Variants in RARB observed in about 807,000 individuals in gnomAD.
RARB encodes the protein retinoic acid receptor beta.
A neutral mutation model predicts 51.9 loss-of-function variants in RARB; 17 were observed. The observed-to-expected ratio is 0.33, with a 90% CI of 0.22 to 0.49. RARB has a LOEUF of 0.49. Among genes scored for constraint, RARB ranks in the 20% least tolerant of loss-of-function variants. The pLI is 0.99. For missense variants in RARB, 369 were observed against 550.8 expected, an observed-to-expected ratio of 0.67 and a Z score of 3.30; for synonymous variants, 215 against 195.4, an observed-to-expected ratio of 1.10 and a Z score of -0.84.
At chr3:24,908,946 AT>A (rs1430972752) in intron 2 of RARB, among the ~76,000 whole-genome samples, 4 of 152,026 alleles carry the variant, frequency 2.6e-5, no homozygotes, top group East Asian at 1.9e-4. Context: ...ACGGAATCCT[AT>A]TTTTTCCATG....
intron 2 of RARB, among the ~76,000 whole-genome samples, chr3:25,482,437 C>A (rs1696266014): frequency 6.6e-6 from 1 of 150,982 alleles, no homozygotes. Context: ...GCATTTAGAA[C>A]CCAGTAGACC....
intron 4 of RARB, among the ~76,000 whole-genome samples, chr3:25,577,463 C>T (rs973773754): frequency 6.6e-6 from 1 of 152,198 alleles, no homozygotes; most frequent in Non-Finnish European, 1.5e-5. Context: ...GAAAGGACAT[C>T]AGTCTCCAGG....
chr3:25,121,836 G>T (rs1186394198), intron 3 of RARB, among the ~76,000 whole-genome samples: 1 of 152,122 alleles, frequency 6.6e-6, no homozygotes. Context: ...AACCTTGCAG[G>T]TATTTGAAGA....
intron 3 of RARB, among the ~76,000 whole-genome samples, chr3:25,071,940 A>G (rs1698774793): frequency 6.6e-6 from 1 of 152,148 alleles, no homozygotes; most frequent in African/African-American, 2.4e-5. Flanking sequence ...TGCTTTTGGG[A>G]CCTATTATTT....
chr3:25,501,155 T>G (rs776728783), intron 2 of RARB, 27 bp from the exon 3 acceptor site: 1 of 1,558,784 alleles, frequency 6.4e-7, no homozygotes, highest in Admixed American at 2.2e-5. Flanking sequence ...CTTTACTGAG[T>G]TTTTTCATCT....
chr3:25,356,879 GTA>G (rs1156789444), intron 5 of RARB, among the ~76,000 whole-genome samples: 3 of 152,132 alleles, frequency 2.0e-5, no homozygotes, highest in Admixed American at 2.0e-4. Context: ...ATTCCATGGT[GTA>G]TATGTGCCAC....
At chr3:25,467,408 C>T (rs1296333520) in intron 2 of RARB, among the ~76,000 whole-genome samples, 1 of 152,204 alleles carries the variant, frequency 6.6e-6, no homozygotes, top group Admixed American at 6.5e-5. Context: ...GCAGGATGAC[C>T]AGATCCTCTC....
chr3:25,330,126 C>A (rs1302644026), intron 5 of RARB, among the ~76,000 whole-genome samples: 1 of 152,108 alleles, frequency 6.6e-6, no homozygotes, highest in African/African-American at 2.4e-5. Context: ...CCCAAGCCAG[C>A]AAGACAGGCC....
At chr3:25,295,951 G>T (rs1703906068) in intron 5 of RARB, among the ~76,000 whole-genome samples, 1 of 152,198 alleles carries the variant, frequency 6.6e-6, no homozygotes, top group Admixed American at 6.5e-5. Flanking sequence ...TTAGAGAAAA[G>T]GGAGCTTTGC....
intron 5 of RARB, among the ~76,000 whole-genome samples, chr3:25,294,066 C>T (rs190696815): frequency 1.6e-4 from 24 of 152,196 alleles, no homozygotes; most frequent in Admixed American, 4.6e-4. Context: ...AAGGATTCAC[C>T]GAGGAAAATG....
intron 2 of RARB, among the ~76,000 whole-genome samples, chr3:24,868,707 G>A (rs1274732142): frequency 6.6e-6 from 1 of 152,100 alleles, no homozygotes; most frequent in East Asian, 1.9e-4. Flanking sequence ...GCTACCTGGC[G>A]ACTTCACTTG....
intron 7 of RARB, among the ~76,000 whole-genome samples, chr3:25,596,108 CCTCT>C (rs763177372): frequency 3.9e-5 from 6 of 152,218 alleles, no homozygotes; most frequent in Non-Finnish European, 7.4e-5. Flanking sequence ...ATAAAAAGAC[CCTCT>C]CTATCAACAT....
At chr3:25,305,547 T>A (rs1159858630) in intron 5 of RARB, among the ~76,000 whole-genome samples, 1 of 152,084 alleles carries the variant, frequency 6.6e-6, no homozygotes, top group Non-Finnish European at 1.5e-5. Flanking sequence ...GGTTGAAAAG[T>A]TGTCTTGAGA....
intron 5 of RARB, among the ~76,000 whole-genome samples, chr3:25,256,156 T>C (rs1702858711): frequency 6.6e-6 from 1 of 152,280 alleles, no homozygotes; most frequent in East Asian, 1.9e-4. Context: ...GCTGCTGTTG[T>C]TCAAAAATAT....
intron 5 of RARB, among the ~76,000 whole-genome samples, chr3:25,415,943 A>T (rs1195372993): frequency 6.6e-6 from 1 of 152,226 alleles, no homozygotes; most frequent in African/African-American, 2.4e-5. Flanking sequence ...AAGTAGATAC[A>T]TGCCAGGTAG....
At chr3:25,133,662 C>G (rs1028524117) in intron 4 of RARB, among the ~76,000 whole-genome samples, 1 of 151,872 alleles carries the variant, frequency 6.6e-6, no homozygotes, top group African/African-American at 2.4e-5. Flanking sequence ...TGTGACTACA[C>G]ATAATCCACT....
At chr3:25,005,548 G>A (rs1472631983) in intron 2 of RARB, among the ~76,000 whole-genome samples, 1 of 152,106 alleles carries the variant, frequency 6.6e-6, no homozygotes, top group Non-Finnish European at 1.5e-5. Context: ...TGTGGTAACT[G>A]GCTTCCCAAG....
At chr3:24,981,137 G>T (rs1299622533) in intron 2 of RARB, among the ~76,000 whole-genome samples, 1 of 152,310 alleles carries the variant, frequency 6.6e-6, no homozygotes, top group East Asian at 1.9e-4. Flanking sequence ...CCTTCTTATG[G>T]AAGCTTCGTC....
intron 3 of RARB, among the ~76,000 whole-genome samples, chr3:25,112,125 G>A (rs986871803): frequency 6.6e-6 from 1 of 152,192 alleles, no homozygotes; most frequent in African/African-American, 2.4e-5. Flanking sequence ...ACAGACTCTT[G>A]TAGAAGTTAA....
Sources: gnomAD v4.1 joint callset for allele counts (sites outside exome capture counted in the v4.1 genomes callset) on GRCh38, gnomAD v4.1.1 for gene constraint, MANE v1.5 for transcripts, NCBI Gene and HGNC (gene_info 2026-07-23, HGNC 2026-07-21) for gene names.